FBXL13: variants seen among roughly 807,000 people sequenced by gnomAD.
FBXL13 encodes F-box and leucine-rich repeat protein 13.
Under a neutral mutation model 83.6 loss-of-function variants are expected in FBXL13, and 67 were observed. The observed-to-expected ratio is 0.80, with a 90% CI of 0.66 to 0.98. FBXL13 has a LOEUF of 0.98. Among genes scored for constraint, FBXL13 ranks in the 50% least tolerant of loss-of-function variants. The pLI, the probability that FBXL13 is intolerant of heterozygous loss-of-function variation, is 0.00. For synonymous variants in FBXL13, 272 were observed against 299.5 expected (o/e 0.91, Z 0.95); for missense variants, 822 against 866.5 (o/e 0.95, Z 0.64).
intron 6 of FBXL13, among the ~76,000 whole-genome samples, chr7:102,970,946 T>A (rs983827202): frequency 6.6e-6 from 1 of 152,070 alleles, no homozygotes; most frequent in Non-Finnish European, 1.5e-5. Context: ...AGAGACACAT[T>A]ACATAACATG....
intron 1 of FBXL13, among the ~76,000 whole-genome samples, chr7:103,071,711 C>T (rs1798979426): frequency 6.6e-6 from 1 of 152,018 alleles, no homozygotes; most frequent in African/African-American, 2.4e-5. Flanking sequence ...TTAAAAAAAT[C>T]AGTCTCTATT....
rs181156531 is a variant in FBXL13 at position 102,980,078 on chromosome 7, A to C, written c.496-11961T>G. ...CTATAGATTCAATGTAATCCCTATA[A>C]AAATTTCAAAGGCTTTTTTTGCAAA... On this transcript the variant is annotated intron_variant, in intron 6 of 19. Coordinates refer to ENST00000313221, the Ensembl canonical transcript of FBXL13. Among the ~76,000 whole-genome samples the C allele has an allele frequency of 7.2e-5, 11 of 152,380 alleles. No homozygotes were observed. In the East Asian group the frequency reaches 1.9e-3, roughly 27 times the overall value.
intron 8 of FBXL13, among the ~76,000 whole-genome samples, chr7:102,960,223 A>G (rs1824961136): frequency 6.6e-6 from 1 of 152,170 alleles, no homozygotes; most frequent in East Asian, 1.9e-4. Flanking sequence ...CAAATAAACT[A>G]GAAAATCTAG....
At chr7:102,968,866 GC>G (rs1826275970) in intron 6 of FBXL13, among the ~76,000 whole-genome samples, 1 of 152,138 alleles carries the variant, frequency 6.6e-6, no homozygotes, top group African/African-American at 2.4e-5. Context: ...AAGTCACCAG[GC>G]CTGTACAAAG....
chr7:102,828,112 C>G (rs1800058428), intron 18 of FBXL13, among the ~76,000 whole-genome samples: 1 of 152,136 alleles, frequency 6.6e-6, no homozygotes, highest in Non-Finnish European at 1.5e-5. Flanking sequence ...ATTTCCAATT[C>G]TGTGAAGAAA....
intron 8 of FBXL13, among the ~76,000 whole-genome samples, chr7:102,958,190 T>C (rs1399857156): frequency 6.6e-6 from 1 of 152,108 alleles, no homozygotes; most frequent in Non-Finnish European, 1.5e-5. Flanking sequence ...ATATACACCA[T>C]GGAATACTAT....
intron 6 of FBXL13, among the ~76,000 whole-genome samples, chr7:103,019,011 A>AGAATATACATTCTTCGCAGGACG (rs1452702976): frequency 1.3e-5 from 2 of 152,240 alleles, no homozygotes; most frequent in African/African-American, 4.8e-5. Flanking sequence ...CCAAATCAAC[A>AGAATATACATTCTTCGCAGGACG]GAATATACAT....
chr7:102,992,969 G>C (rs767469735), intron 6 of FBXL13, among the ~76,000 whole-genome samples: 2 of 152,192 alleles, frequency 1.3e-5, no homozygotes, highest in Non-Finnish European at 2.9e-5. Flanking sequence ...TCTATGGGTA[G>C]AGCAATGTTC....
At chr7:102,858,838 G>A (rs1195694286) in intron 16 of FBXL13, among the ~76,000 whole-genome samples, 2 of 152,156 alleles carry the variant, frequency 1.3e-5, no homozygotes, top group Non-Finnish European at 2.9e-5. Flanking sequence ...GCAGGCTCAG[G>A]GTGGGACAGG....
chr7:102,944,260 A>C (rs1205557765), intron 8 of FBXL13: 1 of 1,612,512 alleles, frequency 6.2e-7, no homozygotes, highest in Admixed American at 1.7e-5. Flanking sequence ...ATCAAACAAC[A>C]GTCTGCAAAA....
At chr7:102,840,669 C>T (rs1364188229) in intron 17 of FBXL13, among the ~76,000 whole-genome samples, 2 of 152,148 alleles carry the variant, frequency 1.3e-5, no homozygotes, top group Non-Finnish European at 2.9e-5. Flanking sequence ...GCTTTCACCT[C>T]CCATTTGCGG....
rs111697845 is a variant in FBXL13, at chr7:102,862,328, C to CA, written c.1636-7469dup. On this transcript the variant is annotated intron_variant, in intron 16 of 19. Transcript: ENST00000313221. ...TGGGCGACAGAGGGAGAATCTGTCT[C>CA]AAAAAAAAAAAAAAAAAGAAAAGAA... 9.4e-3 allele frequency among the ~76,000 whole-genome samples: 907 copies of CA among 96,610 alleles called. 11 individuals carry two copies. The highest frequency in any genetic ancestry group is 0.026 in the South Asian group (92 of 3,476). The allele number at this position is 96,610 out of a possible 152,430, so 63.4% of individuals were successfully genotyped here.
At chr7:102,976,660 T>C (rs970523851) in intron 6 of FBXL13, among the ~76,000 whole-genome samples, 1 of 151,938 alleles carries the variant, frequency 6.6e-6, no homozygotes, top group African/African-American at 2.4e-5. Flanking sequence ...CCGTCCACAT[T>C]ACCCTTAAAG....
chr7:102,978,635 C>T, intron 6 of FBXL13: 1 of 214,510 alleles, frequency 4.7e-6, no homozygotes, highest in Non-Finnish European at 9.5e-6. Flanking sequence ...CCTGCCTGCA[C>T]CCAGGTACTC....
chr7:102,883,321 A>T (rs1810364413), exon 14 of FBXL13: 1 of 1,611,466 alleles, frequency 6.2e-7, no homozygotes, highest in South Asian at 1.1e-5. Context: ...CAATTTGCCA[A>T]ATTCAACACA....
intron 2 of FBXL13, among the ~76,000 whole-genome samples, chr7:103,040,217 A>C (rs1795518390): frequency 6.6e-6 from 1 of 152,200 alleles, no homozygotes; most frequent in Non-Finnish European, 1.5e-5. Context: ...GAGATCAAAA[A>C]GAGACAAAGA....
At chr7:102,827,223 C>T (rs1456592294) in intron 18 of FBXL13, 9 of 442,152 alleles carry the variant, frequency 2.0e-5, no homozygotes, top group African/African-American at 4.0e-5. Flanking sequence ...AGGATGAGAC[C>T]GCATGAAGCA....
intron 6 of FBXL13, among the ~76,000 whole-genome samples, chr7:102,969,011 A>G (rs1826291409): frequency 6.6e-6 from 1 of 152,226 alleles, no homozygotes; most frequent in Non-Finnish European, 1.5e-5. Context: ...GTAATATCAT[A>G]GCACAAGTAC....
intron 6 of FBXL13, among the ~76,000 whole-genome samples, chr7:102,975,241 A>G (rs1827283884): frequency 6.6e-6 from 1 of 152,208 alleles, no homozygotes; most frequent in Non-Finnish European, 1.5e-5. Context: ...TCTCTCTCAA[A>G]TTAACAAAAG....
Sources: gnomAD v4.1 joint callset for allele counts (sites outside exome capture counted in the v4.1 genomes callset) on GRCh38, gnomAD v4.1.1 for gene constraint, MANE v1.5 for transcripts, NCBI Gene and HGNC (gene_info 2026-07-23, HGNC 2026-07-21) for gene names.